The following ERBB4 variants were observed in gnomAD, a reference collection of about 807,000 sequenced individuals.
ERBB4 encodes the protein erb-b2 receptor tyrosine kinase 4.
A neutral mutation model predicts 158.0 loss-of-function variants in ERBB4; 42 were observed. The observed-to-expected ratio is 0.27, with a 90% CI of 0.21 to 0.34. The LOEUF is 0.34. Among genes scored for constraint, ERBB4 ranks in the 10% least tolerant of loss-of-function variants. The pLI is 1.00. For synonymous variants in ERBB4, 583 were observed against 558.7 expected (o/e 1.04, Z -0.61); for missense variants, 1,333 against 1,624.1 (o/e 0.82, Z 3.08).
intron 3 of ERBB4, among the ~76,000 whole-genome samples, chr2:211,829,219 C>A (rs1379220625): frequency 6.6e-6 from 1 of 152,120 alleles, no homozygotes; most frequent in Admixed American, 6.6e-5. Context: ...AATCTGAACT[C>A]TGTGGTCACA....
chr2:211,767,656 C>A (rs1335294037), intron 4 of ERBB4, among the ~76,000 whole-genome samples: 2 of 152,070 alleles, frequency 1.3e-5, no homozygotes, highest in African/African-American at 4.8e-5. Flanking sequence ...TAAGAATGAG[C>A]AGAAGGAGAA....
chr2:211,425,015 T>C (rs1443012496), intron 22 of ERBB4, among the ~76,000 whole-genome samples: 1 of 152,162 alleles, frequency 6.6e-6, no homozygotes, highest in South Asian at 2.1e-4. Context: ...CCCTAAATGG[T>C]AGCATGCAAA....
At chr2:212,247,696 G>C (rs2084362966) in intron 1 of ERBB4, among the ~76,000 whole-genome samples, 1 of 152,148 alleles carries the variant, frequency 6.6e-6, no homozygotes, top group Non-Finnish European at 1.5e-5. Context: ...GGGAGCGGTG[G>C]CTCATGCTTG....
intron 3 of ERBB4, among the ~76,000 whole-genome samples, chr2:211,930,053 T>C (rs1377298626): frequency 6.6e-6 from 1 of 152,218 alleles, no homozygotes; most frequent in Non-Finnish European, 1.5e-5. Context: ...TATGGATTTA[T>C]TATTACAATT....
At position 211,531,860 on chromosome 2, in the gene ERBB4, A is replaced by G. The variant is rs970810043; in HGVS notation, c.2487+30043T>C. ...ATATCAAAGAGATACCTGCACTCCT[A>G]TGTTTATTGCAGCACTATTCACAAT... On this transcript the variant is annotated intron_variant, in intron 20 of 27. Coordinates refer to ENST00000342788, the MANE Select transcript of ERBB4 (RefSeq NM_005235.3). Among the ~76,000 whole-genome samples, 11 of 152,090 alleles carry G rather than the reference A, an allele frequency of 7.2e-5. 1 individual carries two copies. The highest frequency in any genetic ancestry group is 1.5e-4 in the Non-Finnish European group (10 of 67,996).
intron 1 of ERBB4, among the ~76,000 whole-genome samples, chr2:212,226,715 TA>T (rs1272220839): frequency 6.6e-6 from 1 of 152,160 alleles, no homozygotes; most frequent in Admixed American, 6.6e-5. Flanking sequence ...TTGCTTTTTT[TA>T]ATCTGTCTTA....
chr2:211,472,284 TAATA>T (rs2064845437), intron 20 of ERBB4, among the ~76,000 whole-genome samples: 1 of 149,624 alleles, frequency 6.7e-6, no homozygotes, highest in South Asian at 2.1e-4. Context: ...ACCATGACAA[TAATA>T]AATAATATTT....
At chr2:211,838,158 T>C (rs75106992) in intron 3 of ERBB4, among the ~76,000 whole-genome samples, 2,227 of 152,164 alleles carry the variant, frequency 0.015, 68 homozygotes, top group African/African-American at 0.051. Flanking sequence ...TTTCCATGTA[T>C]TGCAACTTTC....
chr2:211,787,869 A>C (rs1327833366), intron 4 of ERBB4, among the ~76,000 whole-genome samples, 156 bp downstream of exon 4: 1 of 152,196 alleles, frequency 6.6e-6, no homozygotes, highest in Admixed American at 6.5e-5. Flanking sequence ...CTAGAAGTAA[A>C]AGGTTGATCA....
intron 1 of ERBB4, among the ~76,000 whole-genome samples, chr2:212,446,119 T>C (rs1386823348): frequency 1.3e-5 from 2 of 152,148 alleles, no homozygotes; most frequent in Admixed American, 6.5e-5. Context: ...TAGGCATAAT[T>C]ATGACCTTAT....
At chr2:212,410,217 T>C (rs1422094812) in intron 1 of ERBB4, among the ~76,000 whole-genome samples, 1 of 151,746 alleles carries the variant, frequency 6.6e-6, no homozygotes, top group East Asian at 1.9e-4. Flanking sequence ...TCATTTATGG[T>C]GACAACTCTG....
At chr2:211,388,839 T>A (rs2062741784) in intron 25 of ERBB4, among the ~76,000 whole-genome samples, 1 of 152,190 alleles carries the variant, frequency 6.6e-6, no homozygotes, top group African/African-American at 2.4e-5. Flanking sequence ...TAATTCTGTT[T>A]CTTAATACAA....
intron 20 of ERBB4, among the ~76,000 whole-genome samples, chr2:211,464,169 A>G (rs1287005534): frequency 1.3e-5 from 2 of 151,874 alleles, no homozygotes; most frequent in Admixed American, 6.6e-5. Flanking sequence ...TTATTTTGTG[A>G]TTTCTCTAAT....
chr2:211,615,161 A>C (rs1255314095), intron 19 of ERBB4, among the ~76,000 whole-genome samples: 1 of 152,050 alleles, frequency 6.6e-6, no homozygotes, highest in Non-Finnish European at 1.5e-5. Context: ...TAAAACATTT[A>C]AAAACAGTCA....
chr2:211,510,629 C>G (rs2065863075), intron 20 of ERBB4, among the ~76,000 whole-genome samples: 1 of 151,942 alleles, frequency 6.6e-6, no homozygotes, highest in Non-Finnish European at 1.5e-5. Context: ...ATGTGATTAT[C>G]TTGAAATTAG....
At chr2:211,475,134 A>G (rs1197825340) in intron 20 of ERBB4, among the ~76,000 whole-genome samples, 1 of 152,130 alleles carries the variant, frequency 6.6e-6, no homozygotes, top group East Asian at 1.9e-4. Flanking sequence ...TGTAAATAGC[A>G]CAGTAAATGT....
At chr2:212,038,852 G>C (rs1405503892) in intron 2 of ERBB4, among the ~76,000 whole-genome samples, 2 of 152,056 alleles carry the variant, frequency 1.3e-5, no homozygotes, top group Non-Finnish European at 2.9e-5. Flanking sequence ...TCATTTCATG[G>C]ATATGAACAT....
intron 1 of ERBB4, among the ~76,000 whole-genome samples, chr2:212,336,891 G>A (rs1044261359): frequency 6.6e-6 from 1 of 151,990 alleles, no homozygotes; most frequent in Admixed American, 6.6e-5. Flanking sequence ...ATAAAATATA[G>A]ATTTTGATTA....
intron 22 of ERBB4, 56 bp downstream of exon 22, chr2:211,428,352 C>T (rs936768934): frequency 1.1e-6 from 1 of 945,714 alleles, no homozygotes; most frequent in Non-Finnish European, 1.7e-6. Flanking sequence ...TTCACATGAA[C>T]TTAACATATG....
Sources: gnomAD v4.1 joint callset for allele counts (sites outside exome capture counted in the v4.1 genomes callset) on GRCh38, gnomAD v4.1.1 for gene constraint, MANE v1.5 for transcripts, NCBI Gene and HGNC (gene_info 2026-07-23, HGNC 2026-07-21) for gene names.